PTPRN2: variants seen among roughly 807,000 people sequenced by gnomAD.
PTPRN2 encodes receptor-type tyrosine-protein phosphatase N2.
PTPRN2 carries 74 observed loss-of-function variants against 118.8 expected under a neutral mutation model. The observed-to-expected ratio is 0.62, with a 90% CI of 0.52 to 0.76. The LOEUF (loss-of-function observed/expected upper bound fraction) is 0.76. Ranked by LOEUF, PTPRN2 falls within the 30% of genes least tolerant of loss-of-function variation. PTPRN2 has a pLI of 0.00. For missense variants in PTPRN2, 1,481 were observed against 1,394.4 expected (o/e 1.06, Z -0.99); for synonymous variants, 641 against 608.0 (o/e 1.05, Z -0.80).
At chr7:158,543,084 C>T (rs986042456) in intron 1 of PTPRN2, among the ~76,000 whole-genome samples, 1 of 152,214 alleles carries the variant, frequency 6.6e-6, no homozygotes. Context: ...TAATGAATGC[C>T]TTTATCAGAT....
intron 3 of PTPRN2, among the ~76,000 whole-genome samples, chr7:158,235,339 G>A (rs150779329): frequency 4.3e-4 from 66 of 152,216 alleles, no homozygotes; most frequent in Middle Eastern, 3.4e-3. Context: ...ATATGGAGTC[G>A]ACCTAAGTGT....
At chr7:157,557,550 T>A (rs6948518) in intron 21 of PTPRN2, among the ~76,000 whole-genome samples, 1 of 23,270 alleles carries the variant, frequency 4.3e-5, no homozygotes, top group South Asian at 2.9e-3. Context: ...TCACACACAC[T>A]CCCACACACA....
chr7:157,659,716 A>C (rs149607786), intron 13 of PTPRN2, among the ~76,000 whole-genome samples: 2 of 151,838 alleles, frequency 1.3e-5, no homozygotes, highest in African/African-American at 4.8e-5. Context: ...AACAAAAAAA[A>C]CCCCACAAAG....
chr7:157,713,183 C>T (rs933517794), intron 12 of PTPRN2, among the ~76,000 whole-genome samples: 3 of 149,490 alleles, frequency 2.0e-5, no homozygotes, highest in Admixed American at 1.3e-4. Context: ...CTGGTGCCAG[C>T]GGGAGACCTT....
Position 158,375,929 on chromosome 7 carries a change from C to T in PTPRN2, c.164-58997G>A, listed in dbSNP as rs1190820901. ...AGCCACCTCCATCCAGCAGTAAAAT[C>T]CCCCACATTTGCCATCCTTCAATTT... is the stretch of plus-strand genomic sequence containing the variant. On this transcript the variant is annotated intron_variant, in intron 2 of 22. Transcript: ENST00000389418. Among the ~76,000 whole-genome samples, 5 of 152,290 alleles carry T rather than the reference C, an allele frequency of 3.3e-5. No homozygotes were observed. In the East Asian group the frequency reaches 9.7e-4, roughly 29 times the overall value.
rs1251845127 is a variant in PTPRN2 at position 157,729,297 on chromosome 7, A to G, written c.1789-46360T>C. Among the ~76,000 whole-genome samples, 4 of 152,156 alleles carry G rather than the reference A, an allele frequency of 2.6e-5. No individual in the cohort carries two copies. The highest frequency in any genetic ancestry group is 9.7e-5 in the African/African-American group (4 of 41,446). On this transcript the variant is annotated intron_variant, in intron 12 of 22. Transcript: ENST00000389418. The surrounding 1 kb of genome is among the most constrained non-coding windows in gnomAD (Gnocchi z 4.3). ...GATTTGTTTTGGGAGGCAGGTGGGA[A>G]CCCATGAGCTGTCTTGAGCACAGTG...
intron 11 of PTPRN2, among the ~76,000 whole-genome samples, chr7:157,966,637 CTTCA>C (rs1801954962): frequency 6.6e-6 from 1 of 151,972 alleles, no homozygotes; most frequent in Non-Finnish European, 1.5e-5. Flanking sequence ...TCACCATTAT[CTTCA>C]TTATCACCAT....
chr7:157,975,581 G>T (rs76545853), intron 11 of PTPRN2, among the ~76,000 whole-genome samples: 4,417 of 152,214 alleles, frequency 0.029, 96 homozygotes, highest in Non-Finnish European at 0.044. Flanking sequence ...GACCCGAACT[G>T]TGCTTTTCAG....
intron 11 of PTPRN2, among the ~76,000 whole-genome samples, chr7:157,967,943 G>C (rs1802060146): frequency 6.6e-6 from 1 of 152,208 alleles, no homozygotes; most frequent in South Asian, 2.1e-4. Flanking sequence ...AGTGTGACCA[G>C]TGTAAATACA....
At chr7:157,833,845 A>G (rs1642373350) in intron 12 of PTPRN2, among the ~76,000 whole-genome samples, 1 of 152,248 alleles carries the variant, frequency 6.6e-6, no homozygotes, top group African/African-American at 2.4e-5. Flanking sequence ...ATTTCCATAA[A>G]TCAGCATTGT....
At position 157,603,420 on chromosome 7, in the gene PTPRN2, A is replaced by T. The variant is rs1346248352; in HGVS notation, c.2418+582T>A. Among the ~76,000 whole-genome samples, 1 of 152,196 alleles carries T rather than the reference A, an allele frequency of 6.6e-6. No homozygotes were observed. Among genetic ancestry groups the T allele is most frequent in the East Asian group, 1.9e-4 (1 of 5,198 alleles). ...GCCACAGGGACTCATAACTCACGGC[A>T]CAGGAGCTGCCACCACACTCGTCCC... On this transcript the variant is annotated intron_variant, in intron 16 of 22. Transcript: ENST00000389418. The surrounding 1 kb of genome is among the most constrained non-coding windows in gnomAD (Gnocchi z 5.4).
At chr7:158,295,065 AC>A (rs1352258730) in intron 3 of PTPRN2, among the ~76,000 whole-genome samples, 4 of 133,858 alleles carry the variant, frequency 3.0e-5, no homozygotes, top group African/African-American at 1.2e-4. Flanking sequence ...GCGCCCGCTG[AC>A]CCTGCCTGTC....
At chr7:158,243,242 T>C (rs1275896289) in intron 3 of PTPRN2, among the ~76,000 whole-genome samples, 1 of 152,218 alleles carries the variant, frequency 6.6e-6, no homozygotes, top group South Asian at 2.1e-4. Flanking sequence ...AGCTTTCATT[T>C]CCATATACCA....
At chr7:157,646,959 C>A (rs1258032049) in intron 14 of PTPRN2, among the ~76,000 whole-genome samples, 13 of 147,544 alleles carry the variant, frequency 8.8e-5, no homozygotes, top group African/African-American at 3.3e-4. Flanking sequence ...GCACTGAACT[C>A]GGTGGGTTGG....
At chr7:158,524,041 G>A (rs1824539777) in intron 1 of PTPRN2, among the ~76,000 whole-genome samples, 1 of 105,504 alleles carries the variant, frequency 9.5e-6, no homozygotes, top group African/African-American at 4.2e-5. Flanking sequence ...CTGGAGTGGA[G>A]TCTGCCCTGG....
chr7:157,975,156 C>T (rs906485181), intron 11 of PTPRN2, among the ~76,000 whole-genome samples: 1 of 152,130 alleles, frequency 6.6e-6, no homozygotes, highest in Admixed American at 6.5e-5. Context: ...TTTCTGGGGC[C>T]CCCCAGTTCC....
chr7:158,319,553 ACACGGTCTCCCTCACACACG>A, intron 2 of PTPRN2, among the ~76,000 whole-genome samples: 1 of 118,944 alleles, frequency 8.4e-6, no homozygotes, highest in Non-Finnish European at 1.8e-5. Context: ...CCTCACACAC[ACACGGTCTCCCTCACACACG>A]CACACAGCCT....
chr7:158,117,264 A>G (rs146163123), intron 9 of PTPRN2, among the ~76,000 whole-genome samples: 161 of 152,302 alleles, frequency 1.1e-3, no homozygotes, highest in African/African-American at 3.5e-3. Context: ...AAAATACAAT[A>G]GCTGAAATTA....
intron 3 of PTPRN2, among the ~76,000 whole-genome samples, chr7:158,287,983 T>G (rs1272199589): frequency 6.6e-6 from 1 of 152,204 alleles, no homozygotes; most frequent in East Asian, 1.9e-4. Context: ...CTTTACATAC[T>G]TAGGTTCTCC....
Sources: allele counts gnomAD v4.1 joint callset (sites outside exome capture counted in the v4.1 genomes callset), GRCh38; gene constraint gnomAD v4.1.1; non-coding constraint Gnocchi (gnomAD v3.1); transcripts MANE v1.5; gene names NCBI Gene and HGNC (gene_info 2026-07-23, HGNC 2026-07-21).